Variants in CALCR observed in about 807,000 individuals in gnomAD.
CALCR encodes calcitonin receptor.
CALCR carries 47 observed loss-of-function variants against 59.5 expected under a neutral mutation model. That is an observed-to-expected ratio of 0.79 (90% CI 0.63 to 1.01). The LOEUF (loss-of-function observed/expected upper bound fraction) is 1.01. CALCR is among the 50% of genes least tolerant of loss of function. CALCR has a pLI of 0.00. For synonymous variants in CALCR, 213 were observed against 211.3 expected, an observed-to-expected ratio of 1.01 and a Z score of -0.07; for missense variants, 566 against 597.1, an observed-to-expected ratio of 0.95 and a Z score of 0.54.
chr7:93,509,319 C>A (rs1024666801), intron 2 of CALCR, among the ~76,000 whole-genome samples: 14 of 152,048 alleles, frequency 9.2e-5, no homozygotes, highest in African/African-American at 3.4e-4. Flanking sequence ...GAGTTGCAGG[C>A]AACTCTAAAA....
At chr7:93,463,437 C>A (rs1800380493) in intron 7 of CALCR, among the ~76,000 whole-genome samples, 2 of 151,868 alleles carry the variant, frequency 1.3e-5, no homozygotes, top group South Asian at 4.2e-4. Context: ...ATAATTTTTG[C>A]TCATTGAGTT....
chr7:93,554,677 A>T (rs1789544898), intron 2 of CALCR, among the ~76,000 whole-genome samples: 1 of 151,204 alleles, frequency 6.6e-6, no homozygotes, highest in Non-Finnish European at 1.5e-5. Flanking sequence ...TAATCTAAGC[A>T]TTACGTTCCA....
intron 2 of CALCR, among the ~76,000 whole-genome samples, chr7:93,541,404 C>T (rs971204849): frequency 2.2e-4 from 34 of 152,026 alleles, no homozygotes; most frequent in African/African-American, 7.7e-4. Context: ...ACCTGGTGAT[C>T]CGCCTGCCTC....
intron 2 of CALCR, among the ~76,000 whole-genome samples, chr7:93,545,484 C>T (rs1584621000): frequency 6.6e-6 from 1 of 152,024 alleles, no homozygotes. Flanking sequence ...ATTAAAAGAT[C>T]CAGGTCAAAC....
At chr7:93,525,199 C>G (rs1297416132) in intron 2 of CALCR, among the ~76,000 whole-genome samples, 2 of 152,142 alleles carry the variant, frequency 1.3e-5, no homozygotes, top group Non-Finnish European at 2.9e-5. Flanking sequence ...ACATTCCTAT[C>G]TTCCCTTGGT....
At chr7:93,528,137 G>T (rs1056034727) in intron 2 of CALCR, among the ~76,000 whole-genome samples, 22 of 151,992 alleles carry the variant, frequency 1.4e-4, no homozygotes, top group African/African-American at 5.3e-4. Context: ...AATAAATTTC[G>T]TACACTTCTA....
At chr7:93,514,944 A>C (rs1801619006) in intron 2 of CALCR, among the ~76,000 whole-genome samples, 1 of 152,032 alleles carries the variant, frequency 6.6e-6, no homozygotes, top group African/African-American at 2.4e-5. Context: ...TGCTCATGCA[A>C]CTTGAAACTG....
Position 93,460,868 on chromosome 7 carries a change from G to A in CALCR, c.601C>T (p.His201Tyr), listed in dbSNP as rs952199574. 6.2e-7 allele frequency: 1 copy of A among 1,611,296 alleles called. No homozygotes were observed. The highest frequency in any genetic ancestry group is 1.3e-5 in the African/African-American group (1 of 74,772). ...YILNSMIIIIHLVEVVPNGEL... is the reference protein window; with the variant it reads ...YILNSMIIIIYLVEVVPNGEL... Reference sequence around the variant, plus strand: ...CCATTGGGTACTACTTCAACCAGGTGGATGATGATAATCATAGAATTCAGA... The same window carrying A: ...CCATTGGGTACTACTTCAACCAGGTAGATGATGATAATCATAGAATTCAGA... Residue 201 changes from histidine to tyrosine, a missense_variant, in exon 8 of 14, where the codon CAC becomes TAC. Coordinates refer to ENST00000426151, the MANE Select transcript of CALCR (RefSeq NM_001742.4).
chr7:93,535,092 C>T (rs1788951639), intron 2 of CALCR, among the ~76,000 whole-genome samples: 2 of 151,646 alleles, frequency 1.3e-5, no homozygotes, highest in Non-Finnish European at 3.0e-5. Context: ...ACATTATTTA[C>T]AAATTGTTTC....
rs372336076 is a variant in CALCR at position 93,515,467 on chromosome 7, A to G, written c.-26-28460T>C. ...CTGATTAGTAATGATTAATGGCACA[A>G]ATAAAATACATCATTGTGATTATTA... On this transcript the variant is annotated intron_variant, in intron 2 of 13. Coordinates refer to ENST00000426151, the MANE Select transcript of CALCR (RefSeq NM_001742.4). 1.4e-4 allele frequency among the ~76,000 whole-genome samples: 21 copies of G among 152,172 alleles called. No individual in the cohort carries two copies. In the East Asian group the frequency reaches 3.9e-3, roughly 28 times the overall value.
chr7:93,479,485 G>C lies in CALCR; in HGVS notation c.74C>G (p.Ala25Gly), dbSNP rs1299632839. The C allele has an allele frequency of 3.7e-6, 6 of 1,612,206 alleles. No homozygotes were observed. The African/African-American group carries it at 6.7e-5, about 18-fold the overall frequency. Residue 25 changes from alanine to glycine, a missense_variant, in exon 4 of 14, where the codon GCC becomes GGC. Ala to Gly is a moderately conservative substitution (Grantham distance 60). Coordinates refer to ENST00000426151, the MANE Select transcript of CALCR (RefSeq NM_001742.4). ...LLNHPTPILP[A>G]FSNQTYPTIE... ...TGTTGGATAGGTTTGATTTGAAAAG[G>C]CAGGAAGAATTGGGGTTGGGTGCTG...
chr7:93,468,467 C>G (rs964673384), intron 7 of CALCR, among the ~76,000 whole-genome samples: 7 of 151,648 alleles, frequency 4.6e-5, no homozygotes, highest in Non-Finnish European at 1.0e-4. Flanking sequence ...ACAGGACTGT[C>G]TTATTTTGGG....
At chr7:93,493,113 T>TA (rs1805878235) in intron 2 of CALCR, among the ~76,000 whole-genome samples, 1 of 151,346 alleles carries the variant, frequency 6.6e-6, no homozygotes, top group Admixed American at 6.6e-5. Flanking sequence ...TACCTAATGC[T>TA]AAACCCTTTC....
At position 93,437,990 on chromosome 7, in the gene CALCR, G is replaced by T. The variant is rs532000510; in HGVS notation, c.930+70C>A. Reference sequence around the variant, plus strand: ...GAAGTTATAAAACATATGATACATAGAACTATATACACAGAAATCTCAACT... The same window carrying T: ...GAAGTTATAAAACATATGATACATATAACTATATACACAGAAATCTCAACT... On this transcript the variant is annotated intron_variant, in intron 11 of 13. Coordinates refer to ENST00000426151, the MANE Select transcript of CALCR (RefSeq NM_001742.4). 5.8e-6 allele frequency: 7 copies of T among 1,210,650 alleles called. No homozygotes were observed. The South Asian group carries it at 7.6e-5, about 13-fold the overall frequency. 75.0% of individuals were successfully genotyped at this position (1,210,650 alleles called of 1,614,324 possible).
At chr7:93,518,590 G>A (rs1451462199) in intron 2 of CALCR, among the ~76,000 whole-genome samples, 1 of 151,650 alleles carries the variant, frequency 6.6e-6, no homozygotes, top group African/African-American at 2.4e-5. Flanking sequence ...CTTTTTGAAG[G>A]GCAATATCTA....
intron 7 of CALCR, among the ~76,000 whole-genome samples, chr7:93,462,922 C>T (rs1800367949): frequency 6.6e-6 from 1 of 152,000 alleles, no homozygotes; most frequent in Admixed American, 6.6e-5. Context: ...CCTTTCCTCC[C>T]ACTAAAATGA....
chr7:93,551,161 G>A (rs1439486814), intron 2 of CALCR, among the ~76,000 whole-genome samples: 1 of 152,140 alleles, frequency 6.6e-6, no homozygotes, highest in Non-Finnish European at 1.5e-5. Flanking sequence ...ATGTATAAAA[G>A]CAAGTCCATC....
intron 2 of CALCR, among the ~76,000 whole-genome samples, chr7:93,494,143 A>C (rs1317092711): frequency 2.0e-5 from 3 of 151,426 alleles, no homozygotes; most frequent in Non-Finnish European, 4.4e-5. Context: ...CAAATGTGAG[A>C]GCTAATATGG....
At chr7:93,533,242 A>G (rs1040906929) in intron 2 of CALCR, among the ~76,000 whole-genome samples, 2 of 152,112 alleles carry the variant, frequency 1.3e-5, no homozygotes, top group African/African-American at 4.8e-5. Context: ...GGCGAGGACT[A>G]ACTGTACTCC....
Sources: gnomAD v4.1 joint callset for allele counts (sites outside exome capture counted in the v4.1 genomes callset) on GRCh38, gnomAD v4.1.1 for gene constraint, MANE v1.5 for transcripts, NCBI Gene and HGNC (gene_info 2026-07-23, HGNC 2026-07-21) for gene names.